The following UBL3 variants were observed in gnomAD, a reference collection of about 807,000 sequenced individuals.
UBL3 encodes the protein ubiquitin like 3, also known as ubiquitin-like protein 3.
In UBL3, 6 loss-of-function variants were observed where a neutral mutation model predicts 18.4. That is an observed-to-expected ratio of 0.33 (90% confidence interval 0.18 to 0.64). UBL3 has a LOEUF of 0.64. Ranked by LOEUF, UBL3 falls within the 30% of genes least tolerant of loss-of-function variation. The probability of loss-of-function intolerance (pLI) is 0.76; values close to 1 mark genes in which losing one functional copy is unlikely to be tolerated. For missense variants in UBL3, 109 were observed against 142.9 expected (o/e 0.76, Z 1.21); for synonymous variants, 49 against 46.6 (o/e 1.05, Z -0.21).
At chr13:29,803,293 T>C (rs923375692) in intron 1 of UBL3, among the ~76,000 whole-genome samples, 8 of 152,036 alleles carry the variant, frequency 5.3e-5, no homozygotes, top group Non-Finnish European at 1.0e-4. Flanking sequence ...AGACCATTAC[T>C]AGCCACTACA....
intron 1 of UBL3, among the ~76,000 whole-genome samples, chr13:29,798,480 T>TA (rs1441055200): frequency 6.6e-6 from 1 of 152,140 alleles, no homozygotes; most frequent in East Asian, 1.9e-4. Flanking sequence ...AAGCCATAGC[T>TA]ACTACTGTAG....
chr13:29,833,885 A>T (rs1278726074), intron 1 of UBL3, among the ~76,000 whole-genome samples: 2 of 152,218 alleles, frequency 1.3e-5, no homozygotes, highest in Non-Finnish European at 2.9e-5. Flanking sequence ...GTACTCAACA[A>T]GTACTTATTG....
At chr13:29,806,104 G>A (rs1462851800) in intron 1 of UBL3, among the ~76,000 whole-genome samples, 7 of 152,186 alleles carry the variant, frequency 4.6e-5, no homozygotes, top group African/African-American at 1.4e-4. Flanking sequence ...TTGAGCCCAC[G>A]AGGCAGAGGT....
intron 1 of UBL3, among the ~76,000 whole-genome samples, chr13:29,836,888 G>C (rs1164154594): frequency 2.0e-5 from 3 of 152,198 alleles, no homozygotes; most frequent in Non-Finnish European, 4.4e-5. Context: ...TTTAAAAATA[G>C]CTTTCATCAG....
intron 1 of UBL3, among the ~76,000 whole-genome samples, chr13:29,809,445 T>C (rs1220808974): frequency 6.6e-6 from 1 of 152,128 alleles, no homozygotes; most frequent in Non-Finnish European, 1.5e-5. Flanking sequence ...CCAATAAGGC[T>C]GAAGAGCAAG....
At chr13:29,776,482 C>G (rs1277687334) in intron 2 of UBL3, among the ~76,000 whole-genome samples, 7 of 151,910 alleles carry the variant, frequency 4.6e-5, no homozygotes, top group Non-Finnish European at 1.0e-4. Context: ...AGGCTGGTCT[C>G]ACACTCCTAG....
In UBL3 at chr13:29,850,267, G is replaced by A. The variant is rs1189156283; in HGVS notation, c.-729C>T. The A allele has an allele frequency of 6.5e-6, 1 of 153,012 alleles. No individual in the cohort carries two copies. Among genetic ancestry groups the A allele is most frequent in the African/African-American group, 2.4e-5 (1 of 41,474 alleles). 9.5% of individuals were successfully genotyped at this position (153,012 alleles called of 1,614,324 possible). A position where few individuals can be genotyped will look rare whatever the true frequency, so the allele number is the denominator to read the frequency against. ...GCCGGGACACTCCACAGCCCCTCTG[G>A]GCTCAGGCCGCGGGCGCCTCCGGAC... is the stretch of plus-strand genomic sequence containing the variant. On this transcript the variant is annotated 5_prime_UTR_variant, in exon 1 of 5. Transcript: ENST00000380680.
At chr13:29,848,316 G>T (rs530481578) in intron 1 of UBL3, among the ~76,000 whole-genome samples, 1 of 147,944 alleles carries the variant, frequency 6.8e-6, no homozygotes, top group East Asian at 2.0e-4. Flanking sequence ...AATTAGCCAG[G>T]TGTGGTGGTG....
At chr13:29,813,862 C>G (rs747577451) in intron 1 of UBL3, among the ~76,000 whole-genome samples, 4 of 152,060 alleles carry the variant, frequency 2.6e-5, no homozygotes, top group Non-Finnish European at 5.9e-5. Flanking sequence ...CCTTTAAACA[C>G]CACCACAATA....
intron 1 of UBL3, among the ~76,000 whole-genome samples, chr13:29,829,968 G>A (rs922117997): frequency 1.4e-4 from 21 of 152,310 alleles, no homozygotes; most frequent in African/African-American, 3.8e-4. Flanking sequence ...CAAACAGAGC[G>A]AAAGTGGATA....
chr13:29,844,723 TCAAAGAGC>T (rs1398867167), intron 1 of UBL3, among the ~76,000 whole-genome samples: 1 of 152,092 alleles, frequency 6.6e-6, no homozygotes, highest in Non-Finnish European at 1.5e-5. Context: ...ACTTAGAAAA[TCAAAGAGC>T]ACATTTACTA....
chr13:29,772,452 C>T (rs1329755086), intron 2 of UBL3, among the ~76,000 whole-genome samples: 1 of 151,950 alleles, frequency 6.6e-6, no homozygotes, highest in Non-Finnish European at 1.5e-5. Context: ...AAATTGTAGT[C>T]CCCAAGTTTA....
Position 29,820,028 on chromosome 13 carries a change from T to C in UBL3, c.27+29484A>G, listed in dbSNP as rs555240682. ...GTTCCCATAAGCCTAACAATGTTTC[T>C]TAACTTATTCCAACATATGGCTTTT... On this transcript the variant is annotated intron_variant, in intron 1 of 4. Coordinates refer to ENST00000380680, the MANE Select transcript of UBL3 (RefSeq NM_007106.4). Among the ~76,000 whole-genome samples the C allele has an allele frequency of 1.3e-4, 20 of 152,364 alleles. No homozygotes were observed. The East Asian group carries it at 3.7e-3, about 28-fold the overall frequency.
intron 1 of UBL3, among the ~76,000 whole-genome samples, chr13:29,843,996 A>T (rs1879172478): frequency 6.6e-6 from 1 of 152,238 alleles, no homozygotes; most frequent in South Asian, 2.1e-4. Context: ...TACAACTCTT[A>T]AATGCTTTGA....
At chr13:29,787,748 C>T (rs947089586) in intron 1 of UBL3, among the ~76,000 whole-genome samples, 12 of 152,048 alleles carry the variant, frequency 7.9e-5, no homozygotes, top group African/African-American at 2.9e-4. Flanking sequence ...CTAGAGAAAT[C>T]TTTGTTTTGG....
At chr13:29,809,431 GC>G (rs1239598051) in intron 1 of UBL3, among the ~76,000 whole-genome samples, 1 of 152,286 alleles carries the variant, frequency 6.6e-6, no homozygotes, top group Non-Finnish European at 1.5e-5. Context: ...GAGGAAGACA[GC>G]CACCAATAAG....
At chr13:29,825,067 T>A (rs1360051261) in intron 1 of UBL3, among the ~76,000 whole-genome samples, 1 of 152,202 alleles carries the variant, frequency 6.6e-6, no homozygotes, top group Non-Finnish European at 1.5e-5. Flanking sequence ...TTGGTCTATA[T>A]CTCTGTTTTG....
rs1879321189 is a variant in UBL3 at position 29,849,739 on chromosome 13, T to TGTGGCC, written c.-207_-202dup. On this transcript the variant is annotated 5_prime_UTR_variant, in exon 1 of 5. Coordinates refer to ENST00000380680, the MANE Select transcript of UBL3 (RefSeq NM_007106.4). The stretch of plus-strand genomic sequence containing the variant: ...GAAGAGGAACAATCCCCAGGAGCTG[T>TGTGGCC]GTGGCCGGAGCAGGAGGAAACTCCC... 1 of 668,432 alleles carries TGTGGCC rather than the reference T, an allele frequency of 1.5e-6. No homozygotes were observed. Among genetic ancestry groups the TGTGGCC allele is most frequent in the Non-Finnish European group, 2.5e-6 (1 of 393,014 alleles). The allele number at this position is 668,432 out of a possible 1,614,324, so 41.4% of individuals were successfully genotyped here. A position where few individuals can be genotyped will look rare whatever the true frequency, so the allele number is the denominator to read the frequency against.
At chr13:29,834,187 A>G (rs1354526750) in intron 1 of UBL3, among the ~76,000 whole-genome samples, 1 of 145,884 alleles carries the variant, frequency 6.9e-6, no homozygotes, top group Non-Finnish European at 1.5e-5. Flanking sequence ...TGTCTCAAGA[A>G]AAAAAAAAAA....
Sources: gnomAD v4.1 joint callset for allele counts (sites outside exome capture counted in the v4.1 genomes callset) on GRCh38, gnomAD v4.1.1 for gene constraint, MANE v1.5 for transcripts, NCBI Gene and HGNC (gene_info 2026-07-23, HGNC 2026-07-21) for gene names.